EPHA6: variants seen among roughly 807,000 people sequenced by gnomAD.
EPHA6 encodes the protein EPH receptor A6, also known as ephrin type-A receptor 6.
EPHA6 carries 50 observed loss-of-function variants against 112.0 expected under a neutral mutation model. The ratio of observed to expected loss-of-function variants is 0.45; its 90% CI spans 0.36 to 0.56. EPHA6 has a LOEUF of 0.56. Ranked by LOEUF, EPHA6 falls within the 20% of genes least tolerant of loss-of-function variation. EPHA6 has a pLI of 0.00. For missense variants in EPHA6, 1,280 were observed against 1,417.4 expected (o/e 0.90, Z 1.56); for synonymous variants, 529 against 490.7 (o/e 1.08, Z -1.03).
In EPHA6 at chr3:97,755,293, A is replaced by C. The variant is rs916604768; in HGVS notation, c.*6592A>C. ...AAATAAGGTATAAATTAACAACACAATCTTCTCAGGAGTTGTAAACTAGAA... is the reference window on the plus strand; with the variant it reads ...AAATAAGGTATAAATTAACAACACACTCTTCTCAGGAGTTGTAAACTAGAA... On this transcript the variant is annotated 3_prime_UTR_variant, in exon 18 of 18. Coordinates refer to ENST00000389672, the MANE Select transcript of EPHA6 (RefSeq NM_001080448.3). Among the ~76,000 whole-genome samples the C allele has an allele frequency of 6.6e-6, 1 of 152,322 alleles. No individual in the cohort carries two copies. The highest frequency in any genetic ancestry group is 1.9e-4 in the East Asian group (1 of 5,186).
rs1167237604 is a variant in EPHA6, at chr3:96,857,423, T to A, written c.386-9402T>A. On this transcript the variant is annotated intron_variant, in intron 1 of 17. Transcript: ENST00000389672. ...ATGGGTCACATTTGTAAATGTTTCA[T>A]TTATGAACCATTCCTCCTCCTAACT... Among the ~76,000 whole-genome samples the A allele has an allele frequency of 2.6e-5, 4 of 152,154 alleles. No individual in the cohort carries two copies. In the East Asian group the frequency reaches 7.7e-4, roughly 29 times the overall value.
intron 6 of EPHA6, among the ~76,000 whole-genome samples, chr3:97,423,716 A>G (rs1252406295): frequency 6.6e-6 from 1 of 152,196 alleles, no homozygotes; most frequent in Admixed American, 6.5e-5. Context: ...CCTAAGAAAA[A>G]AGAACAAAGC....
intron 14 of EPHA6, among the ~76,000 whole-genome samples, chr3:97,686,153 G>A (rs866314081): frequency 1.3e-5 from 2 of 152,070 alleles, no homozygotes; most frequent in East Asian, 1.9e-4. Flanking sequence ...CTATTCATTT[G>A]TGATGCATTA....
chr3:97,492,595 C>A lies in EPHA6; in HGVS notation c.2200+8536C>A, dbSNP rs1188762441. Among the ~76,000 whole-genome samples, 30 of 52,178 alleles carry A rather than the reference C, an allele frequency of 5.7e-4. 1 individual carries two copies. In the South Asian group the frequency reaches 0.019, roughly 33 times the overall value. 34.2% of individuals were successfully genotyped at this position (52,178 alleles called of 152,430 possible). A position where few individuals can be genotyped will look rare whatever the true frequency, so the allele number is the denominator to read the frequency against. ...AAAAAAAAAAAAAAAAAAAAAAAAA[C>A]CGTGGATAATGTAGCATCTCAGACT... On this transcript the variant is annotated intron_variant, in intron 10 of 17. Coordinates refer to ENST00000389672, the MANE Select transcript of EPHA6 (RefSeq NM_001080448.3).
chr3:97,552,012 G>A (rs2093035495), intron 11 of EPHA6, among the ~76,000 whole-genome samples: 2 of 152,104 alleles, frequency 1.3e-5, no homozygotes, highest in Admixed American at 6.6e-5. Context: ...CTTCTTATAT[G>A]TCAGCTAAAT....
chr3:96,954,617 C>T (rs774067972), intron 2 of EPHA6, among the ~76,000 whole-genome samples: 2 of 152,154 alleles, frequency 1.3e-5, no homozygotes, highest in African/African-American at 4.8e-5. Context: ...CTCATTCACT[C>T]ATGGCTGTTT....
At chr3:96,833,629 A>G (rs750166469) in intron 1 of EPHA6, among the ~76,000 whole-genome samples, 1 of 152,026 alleles carries the variant, frequency 6.6e-6, no homozygotes, top group African/African-American at 2.4e-5. Context: ...AGAATATAAA[A>G]GAGATCTAGC....
intron 16 of EPHA6, among the ~76,000 whole-genome samples, chr3:97,745,720 T>C (rs1194543238): frequency 6.6e-6 from 1 of 151,872 alleles, no homozygotes; most frequent in Admixed American, 6.6e-5. Context: ...AAATGAATTC[T>C]AGGCCTTCCA....
At chr3:97,133,208 A>T (rs1181628294) in intron 3 of EPHA6, among the ~76,000 whole-genome samples, 4 of 152,008 alleles carry the variant, frequency 2.6e-5, no homozygotes, top group African/African-American at 9.7e-5. Flanking sequence ...AGGCAGACAA[A>T]GTAGGAAAGT....
chr3:97,476,397 A>G (rs187301059), intron 8 of EPHA6, among the ~76,000 whole-genome samples: 6 of 152,248 alleles, frequency 3.9e-5, no homozygotes, highest in Admixed American at 3.9e-4. Context: ...AGTACACACC[A>G]ATGTTGACTC....
At chr3:97,719,688 A>G (rs1384923781) in intron 14 of EPHA6, among the ~76,000 whole-genome samples, 2 of 152,214 alleles carry the variant, frequency 1.3e-5, no homozygotes, top group African/African-American at 4.8e-5. Flanking sequence ...AGTTTTTGAA[A>G]GAAAGATTAT....
intron 3 of EPHA6, among the ~76,000 whole-genome samples, chr3:97,126,034 G>A (rs544971533): frequency 6.6e-6 from 1 of 152,282 alleles, no homozygotes; most frequent in South Asian, 2.1e-4. Context: ...TGGCAAGGAG[G>A]CGAGTATTCA....
In EPHA6 at chr3:97,735,991, C is replaced by G. The variant is rs375686996; in HGVS notation, c.3001C>G (p.Gln1001Glu). 6.2e-7 allele frequency: 1 copy of G among 1,612,480 alleles called. No individual in the cohort carries two copies. Among genetic ancestry groups the G allele is most frequent in the Non-Finnish European group, 8.5e-7 (1 of 1,179,122 alleles). ...APMGCPASLH[Q>E]LMLHCWQKER... is the part of the protein sequence containing the mutation. ...CATGGGCTGTCCAGCATCTCTACACCAGCTGATGCTCCACTGCTGGCAGAA... is the reference window on the plus strand; with the variant it reads ...CATGGGCTGTCCAGCATCTCTACACGAGCTGATGCTCCACTGCTGGCAGAA... The change falls in exon 16 of 18, where the codon CAG becomes GAG. Residue 1001 changes from glutamine (Q) to glutamate (E), a missense_variant. By Grantham distance (29) the Gln-to-Glu change is conservative. Coordinates refer to ENST00000389672, the MANE Select transcript of EPHA6 (RefSeq NM_001080448.3).
chr3:97,158,536 C>G (rs1327785331), intron 3 of EPHA6, among the ~76,000 whole-genome samples: 3 of 152,138 alleles, frequency 2.0e-5, no homozygotes, highest in African/African-American at 7.2e-5. Flanking sequence ...ACCAGGGAGA[C>G]AGGTCTATGC....
At chr3:97,342,846 GAACTGTGA>G (rs1388009691) in intron 5 of EPHA6, among the ~76,000 whole-genome samples, 1 of 152,160 alleles carries the variant, frequency 6.6e-6, no homozygotes, top group Non-Finnish European at 1.5e-5. Context: ...ACAGCCTCCA[GAACTGTGA>G]GAAATAAATG....
chr3:96,876,205 A>G (rs2036938565), intron 2 of EPHA6, among the ~76,000 whole-genome samples: 2 of 151,218 alleles, frequency 1.3e-5, no homozygotes, highest in African/African-American at 4.9e-5. Flanking sequence ...CCTGGGCTCA[A>G]GTGATCCTCC....
chr3:97,413,658 T>C (rs1286518531), intron 6 of EPHA6, among the ~76,000 whole-genome samples: 1 of 151,932 alleles, frequency 6.6e-6, no homozygotes, highest in Non-Finnish European at 1.5e-5. Context: ...AGGAAAGCAG[T>C]TTTTGCATGG....
chr3:97,647,018 C>T (rs2094069980), intron 14 of EPHA6, among the ~76,000 whole-genome samples: 1 of 152,134 alleles, frequency 6.6e-6, no homozygotes, highest in Admixed American at 6.5e-5. Context: ...AAGAGAGGAA[C>T]AAAACTCAGT....
chr3:97,563,319 T>C (rs879627489), intron 11 of EPHA6, among the ~76,000 whole-genome samples: 6 of 152,142 alleles, frequency 3.9e-5, no homozygotes, highest in Non-Finnish European at 7.4e-5. Flanking sequence ...GGAAGTATAC[T>C]CCATGTAAAC....
Sources: allele counts gnomAD v4.1 joint callset (sites outside exome capture counted in the v4.1 genomes callset), GRCh38; gene constraint gnomAD v4.1.1; transcripts MANE v1.5; gene names NCBI Gene and HGNC (gene_info 2026-07-23, HGNC 2026-07-21).